The following RAD51B variants were observed in gnomAD, a reference collection of about 807,000 sequenced individuals.
RAD51B encodes DNA repair protein RAD51 homolog 2.
Under a neutral mutation model 42.2 loss-of-function variants are expected in RAD51B, and 38 were observed. The observed-to-expected ratio is 0.90, with a 90% CI of 0.70 to 1.18. The LOEUF is 1.18. Ranked by LOEUF, RAD51B falls within the 50% of genes most tolerant of loss-of-function variation. The pLI is 0.00. For missense variants in RAD51B, 373 were observed against 400.7 expected (o/e 0.93, Z 0.59); for synonymous variants, 154 against 145.2 (o/e 1.06, Z -0.43).
chr14:68,203,202 C>A (rs2079524551), intron 7 of RAD51B, among the ~76,000 whole-genome samples: 1 of 152,074 alleles, frequency 6.6e-6, no homozygotes, highest in Admixed American at 6.5e-5. Flanking sequence ...GCAGCTATAA[C>A]CTTACAAAAA....
chr14:68,648,450 C>T (rs1892630022), intron 10 of RAD51B, among the ~76,000 whole-genome samples: 1 of 147,354 alleles, frequency 6.8e-6, no homozygotes, highest in African/African-American at 2.5e-5. Flanking sequence ...CCCCTTACCC[C>T]AATAAATCAA....
chr14:68,473,194 C>T lies in RAD51B; in HGVS notation c.1037-4454C>T, dbSNP rs78693287. Reference sequence around the variant, plus strand: ...GTATCTGCATGGTAAATACCACCTCCGCACCTGGCACAGCCTGGCATTCTT... The same window carrying T: ...GTATCTGCATGGTAAATACCACCTCTGCACCTGGCACAGCCTGGCATTCTT... On this transcript the variant is annotated intron_variant, in intron 10 of 10. Transcript: ENST00000471583. Among the ~76,000 whole-genome samples, 29 of 152,334 alleles carry T rather than the reference C, an allele frequency of 1.9e-4. No homozygotes were observed. In the East Asian group the frequency reaches 4.6e-3, roughly 24 times the overall value.
At chr14:68,143,729 C>T (rs2078188063) in intron 7 of RAD51B, among the ~76,000 whole-genome samples, 1 of 152,198 alleles carries the variant, frequency 6.6e-6, no homozygotes. Context: ...CTGCCTGTTG[C>T]TTTCTGGGGG....
intron 7 of RAD51B, among the ~76,000 whole-genome samples, chr14:68,158,117 CT>C (rs1216405208): frequency 2.0e-5 from 3 of 151,666 alleles, no homozygotes; most frequent in African/African-American, 4.8e-5. Flanking sequence ...TTCACACAGC[CT>C]TTTTTTTTCT....
At chr14:68,384,192 A>C (rs1285220936) in intron 8 of RAD51B, among the ~76,000 whole-genome samples, 1 of 152,264 alleles carries the variant, frequency 6.6e-6, no homozygotes, top group Non-Finnish European at 1.5e-5. Context: ...TCTCAGAATG[A>C]AATAACAAAG....
At chr14:68,597,139 A>T (rs1266435293), downstream of RAD51B, among the ~76,000 whole-genome samples, 5 of 152,094 alleles carry the variant, frequency 3.3e-5, no homozygotes, top group African/African-American at 9.6e-5. Flanking sequence ...GGAATTTTTT[A>T]CTCCTCCTCT....
At chr14:67,959,447 C>T (rs556060847) in intron 7 of RAD51B, among the ~76,000 whole-genome samples, 1 of 152,120 alleles carries the variant, frequency 6.6e-6, no homozygotes, top group South Asian at 2.1e-4. Flanking sequence ...TGGGGTTTTA[C>T]CGTGTTAGCC....
At chr14:68,257,669 G>C (rs1169696615) in intron 7 of RAD51B, among the ~76,000 whole-genome samples, 2 of 152,076 alleles carry the variant, frequency 1.3e-5, no homozygotes, top group Non-Finnish European at 2.9e-5. Context: ...TAAGATTGCG[G>C]GATTGAGAAA....
chr14:68,082,888 T>G (rs1207975652), intron 7 of RAD51B, among the ~76,000 whole-genome samples: 1 of 152,224 alleles, frequency 6.6e-6, no homozygotes, highest in Non-Finnish European at 1.5e-5. Flanking sequence ...CTGAGGTATT[T>G]GCATATAGAC....
At chr14:68,390,776 G>A (rs925439051) in intron 8 of RAD51B, among the ~76,000 whole-genome samples, 2 of 152,230 alleles carry the variant, frequency 1.3e-5, no homozygotes, top group African/African-American at 2.4e-5. Context: ...TAGTCACAGA[G>A]CTGGGTTAGA....
At chr14:67,981,468 A>G (rs2075091922) in intron 7 of RAD51B, among the ~76,000 whole-genome samples, 1 of 152,186 alleles carries the variant, frequency 6.6e-6, no homozygotes, top group Non-Finnish European at 1.5e-5. Context: ...CTTTTTACCC[A>G]AAATAATTGA....
chr14:68,664,717 G>C (rs144123209), intron 11 of RAD51B, among the ~76,000 whole-genome samples: 152 of 152,258 alleles, frequency 1.0e-3, no homozygotes, highest in African/African-American at 3.5e-3. Flanking sequence ...CTTATTTGCT[G>C]CTCCAACCCC....
rs139015333 is a variant in RAD51B, at chr14:67,905,225, G to A, written c.756+18021G>A. On this transcript the variant is annotated intron_variant, in intron 7 of 10. Coordinates refer to ENST00000471583, the MANE Select transcript of RAD51B (RefSeq NM_133510.4). ...CATAAACTTTATCAAAGATCAGATG[G>A]TTGTAGGTATGTGGCTTTATTTCTG... is the stretch of plus-strand genomic sequence containing the variant. Among the ~76,000 whole-genome samples the A allele has an allele frequency of 2.9e-4, 44 of 152,136 alleles. No homozygotes were observed. The East Asian group carries it at 7.9e-3, about 27-fold the overall frequency.
At chr14:68,506,538 TGTGTGCGTGCACGCCG>T (rs1410955075) in intron 10 of RAD51B, among the ~76,000 whole-genome samples, 4 of 152,224 alleles carry the variant, frequency 2.6e-5, no homozygotes, top group Non-Finnish European at 5.9e-5. Context: ...TGCGCGTGCA[TGTGTGCGTGCACGCCG>T]GTGCACACGT....
At chr14:68,117,061 G>T (rs941510451) in intron 7 of RAD51B, among the ~76,000 whole-genome samples, 1 of 152,126 alleles carries the variant, frequency 6.6e-6, no homozygotes, top group African/African-American at 2.4e-5. Context: ...AAATTAAGTG[G>T]CAGAAAGGAA....
intron 9 of RAD51B, among the ~76,000 whole-genome samples, chr14:68,429,534 T>A (rs1327591151): frequency 3.3e-5 from 5 of 152,250 alleles, no homozygotes; most frequent in Non-Finnish European, 7.3e-5. Flanking sequence ...CACGTGTCTG[T>A]TGGCTGCATA....
intron 7 of RAD51B, among the ~76,000 whole-genome samples, chr14:67,957,183 T>C (rs1488216768): frequency 6.6e-6 from 1 of 152,144 alleles, no homozygotes; most frequent in Non-Finnish European, 1.5e-5. Flanking sequence ...GAAGCAACAC[T>C]TAAGGTTTCC....
intron 7 of RAD51B, among the ~76,000 whole-genome samples, chr14:68,070,347 T>C (rs553497147): frequency 1.3e-5 from 2 of 152,298 alleles, no homozygotes; most frequent in South Asian, 4.1e-4. Flanking sequence ...TCTTGAAGTC[T>C]TTGCATGGGC....
At chr14:67,949,265 G>T (rs1595153237) in intron 7 of RAD51B, among the ~76,000 whole-genome samples, 2 of 152,224 alleles carry the variant, frequency 1.3e-5, no homozygotes, top group Middle Eastern at 6.8e-3. Flanking sequence ...TTAATATTGG[G>T]ATCAGTCCTC....
Sources: gnomAD v4.1 joint callset for allele counts (sites outside exome capture counted in the v4.1 genomes callset) on GRCh38, gnomAD v4.1.1 for gene constraint, MANE v1.5 for transcripts, NCBI Gene and HGNC (gene_info 2026-07-23, HGNC 2026-07-21) for gene names.